Variants in LCORL observed in about 807,000 individuals in gnomAD.
LCORL encodes the protein ligand-dependent nuclear receptor corepressor-like protein.
Under a neutral mutation model 141.8 loss-of-function variants are expected in LCORL, and 41 were observed. The ratio of observed to expected loss-of-function variants is 0.29; its 90% CI spans 0.23 to 0.38. LCORL has a LOEUF of 0.38. Among genes scored for constraint, LCORL ranks in the 10% least tolerant of loss-of-function variants. The probability of loss-of-function intolerance (pLI) is 1.00; values close to 1 mark genes in which losing one functional copy is unlikely to be tolerated. For missense variants in LCORL, 1,759 were observed against 2,035.0 expected, an observed-to-expected ratio of 0.86 and a Z score of 2.61; for synonymous variants, 618 against 694.1, an observed-to-expected ratio of 0.89 and a Z score of 1.72.
intron 5 of LCORL, among the ~76,000 whole-genome samples, chr4:17,896,529 G>A (rs978077468): frequency 7.2e-5 from 11 of 152,060 alleles, no homozygotes; most frequent in Non-Finnish European, 1.3e-4. Flanking sequence ...TGATCCACCC[G>A]CCTTGGCCTT....
intron 4 of LCORL, among the ~76,000 whole-genome samples, chr4:17,921,938 CT>C (rs1170008329): frequency 6.6e-6 from 1 of 152,048 alleles, no homozygotes. Flanking sequence ...AGTTCTTCAG[CT>C]TTTGGACTCT....
At chr4:17,995,688 G>C (rs1720805871) in intron 1 of LCORL, among the ~76,000 whole-genome samples, 1 of 152,116 alleles carries the variant, frequency 6.6e-6, no homozygotes, top group Non-Finnish European at 1.5e-5. Flanking sequence ...TTTGATACTA[G>C]AATATTTTGC....
At chr4:17,891,194 G>A (rs1323986115) in intron 5 of LCORL, among the ~76,000 whole-genome samples, 4 of 152,000 alleles carry the variant, frequency 2.6e-5, no homozygotes, top group East Asian at 1.9e-4. Flanking sequence ...CACAACAACC[G>A]GATGGCATAA....
chr4:17,865,966 C>G (rs896473732), intron 7 of LCORL, among the ~76,000 whole-genome samples: 40 of 152,196 alleles, frequency 2.6e-4, no homozygotes, highest in Non-Finnish European at 7.3e-5. Flanking sequence ...TGTCCACTTC[C>G]AATTTAAATC....
intron 4 of LCORL, among the ~76,000 whole-genome samples, chr4:17,935,475 G>A (rs536593100): frequency 6.6e-6 from 1 of 152,302 alleles, no homozygotes; most frequent in Non-Finnish European, 1.5e-5. Flanking sequence ...TTTGGGTCAT[G>A]GGGCCAGATC....
intron 4 of LCORL, among the ~76,000 whole-genome samples, chr4:17,956,991 T>C (rs1356642416): frequency 6.6e-6 from 1 of 151,796 alleles, no homozygotes; most frequent in African/African-American, 2.4e-5. Flanking sequence ...GAAAAAGGGA[T>C]AGGTAAAATT....
chr4:17,918,607 A>T (rs994241783), intron 4 of LCORL, among the ~76,000 whole-genome samples: 2 of 152,194 alleles, frequency 1.3e-5, no homozygotes, highest in Non-Finnish European at 2.9e-5. Flanking sequence ...TTGACCTGGC[A>T]GAAAAAAGAA....
chr4:17,968,799 T>A (rs1715405824), intron 2 of LCORL, among the ~76,000 whole-genome samples: 2 of 152,186 alleles, frequency 1.3e-5, no homozygotes, highest in Non-Finnish European at 2.9e-5. Flanking sequence ...AAATGTTAAC[T>A]TTTTTAACCA....
At chr4:17,885,027 G>A (rs1296533945) in intron 6 of LCORL, among the ~76,000 whole-genome samples, 1 of 151,888 alleles carries the variant, frequency 6.6e-6, no homozygotes, top group Non-Finnish European at 1.5e-5. Flanking sequence ...TTCTCATGAT[G>A]TTGCTATTCC....
intron 4 of LCORL, among the ~76,000 whole-genome samples, chr4:17,918,346 A>G (rs1241739975): frequency 6.6e-6 from 1 of 152,184 alleles, no homozygotes; most frequent in Admixed American, 6.5e-5. Context: ...CACATGGGGG[A>G]AAAAGTCCAC....
intron 5 of LCORL, among the ~76,000 whole-genome samples, chr4:17,887,782 C>T (rs534674011): frequency 8.7e-4 from 133 of 152,236 alleles, no homozygotes; most frequent in African/African-American, 3.0e-3. Flanking sequence ...GAGAATGGAC[C>T]GCAAGGAGCT....
At chr4:17,909,393 A>C in intron 4 of LCORL, 48 bp from the exon 5 acceptor site, 1 of 1,330,646 alleles carries the variant, frequency 7.5e-7, no homozygotes, top group South Asian at 1.5e-5. Context: ...AGAAAGGCAA[A>C]TCACCAACAT....
At chr4:17,870,585 A>G (rs17585793) in intron 7 of LCORL, among the ~76,000 whole-genome samples, 383 of 152,248 alleles carry the variant, frequency 2.5e-3, no homozygotes, top group Non-Finnish European at 4.5e-3. Context: ...GGAGGAACAT[A>G]TAAGAGCAAC....
At chr4:17,969,094 C>T (rs1172432028) in intron 2 of LCORL, among the ~76,000 whole-genome samples, 1 of 152,130 alleles carries the variant, frequency 6.6e-6, no homozygotes, top group Non-Finnish European at 1.5e-5. Flanking sequence ...ACCAATAAGA[C>T]ATAAAAGATT....
chr4:17,941,531 C>T (rs1737963960), intron 4 of LCORL, among the ~76,000 whole-genome samples: 1 of 152,042 alleles, frequency 6.6e-6, no homozygotes, highest in Non-Finnish European at 1.5e-5. Flanking sequence ...TGTTCTCAGA[C>T]ATTCCACTCC....
At chr4:17,931,159 T>C (rs141347622) in intron 4 of LCORL, among the ~76,000 whole-genome samples, 1 of 152,182 alleles carries the variant, frequency 6.6e-6, no homozygotes, top group African/African-American at 2.4e-5. Flanking sequence ...TCTCCCCTTG[T>C]CATGTCTTGC....
At chr4:18,020,895 G>T (rs1725426515) in intron 1 of LCORL, among the ~76,000 whole-genome samples, 1 of 152,186 alleles carries the variant, frequency 6.6e-6, no homozygotes, top group African/African-American at 2.4e-5. Context: ...TCCAAAGAGG[G>T]AGGAAGAACT....
intron 5 of LCORL, among the ~76,000 whole-genome samples, chr4:17,894,557 T>C (rs1560302458): frequency 6.6e-6 from 1 of 152,122 alleles, no homozygotes; most frequent in Non-Finnish European, 1.5e-5. Context: ...TCAAGATGAG[T>C]AAAAAGAATT....
chr4:17,877,980 C>A, exon 7 of LCORL: 1 of 1,230,620 alleles, frequency 8.1e-7, no homozygotes, highest in Non-Finnish European at 1.0e-6. Flanking sequence ...TTCACAACTA[C>A]AGAACAGACC....
Sources: allele counts gnomAD v4.1 joint callset (sites outside exome capture counted in the v4.1 genomes callset), GRCh38; gene constraint gnomAD v4.1.1; transcripts MANE v1.5; gene names NCBI Gene and HGNC (gene_info 2026-07-23, HGNC 2026-07-21).